Variants in IL1R1 observed in about 807,000 individuals in gnomAD.
The protein encoded by IL1R1 is interleukin-1 receptor type 1.
A neutral mutation model predicts 50.2 loss-of-function variants in IL1R1; 22 were observed. The observed-to-expected ratio is 0.44, with a 90% CI of 0.31 to 0.63. IL1R1 has a LOEUF of 0.63. Among genes scored for constraint, IL1R1 ranks in the 20% least tolerant of loss-of-function variants. The probability of loss-of-function intolerance (pLI) is 0.07; values close to 1 mark genes in which losing one functional copy is unlikely to be tolerated. For missense variants in IL1R1, 509 were observed against 676.2 expected (o/e 0.75, Z 2.74); for synonymous variants, 251 against 236.7 (o/e 1.06, Z -0.55).
At chr2:102,133,349 T>A (rs1682151742) in intron 1 of IL1R1, among the ~76,000 whole-genome samples, 3 of 151,960 alleles carry the variant, frequency 2.0e-5, no homozygotes, top group Admixed American at 2.0e-4. Context: ...GTAATTCTAC[T>A]CAAACTCTTC....
intron 1 of IL1R1, among the ~76,000 whole-genome samples, chr2:102,075,285 G>A (rs866942213): frequency 6.6e-6 from 1 of 152,240 alleles, no homozygotes; most frequent in Middle Eastern, 3.4e-3. Context: ...GTTTGCACAG[G>A]AAAATGTTTC....
At chr2:102,108,639 A>T (rs1019449475) in intron 1 of IL1R1, among the ~76,000 whole-genome samples, 2 of 151,668 alleles carry the variant, frequency 1.3e-5, no homozygotes, top group Non-Finnish European at 2.9e-5. Flanking sequence ...CCAGAAGATT[A>T]AAAAAAAACC....
intron 1 of IL1R1, among the ~76,000 whole-genome samples, chr2:102,072,502 A>G (rs1678776435): frequency 6.6e-6 from 1 of 152,214 alleles, no homozygotes; most frequent in Non-Finnish European, 1.5e-5. Context: ...CTACCAAAAC[A>G]TGGCATTTTT....
chr2:102,131,819 C>A (rs1682049175), intron 1 of IL1R1, among the ~76,000 whole-genome samples: 1 of 152,006 alleles, frequency 6.6e-6, no homozygotes. Flanking sequence ...CCAAGCTGAA[C>A]TGAAAATTAC....
intron 8 of IL1R1, chr2:102,172,160 T>C (rs1160661351): frequency 3.7e-6 from 2 of 540,872 alleles, no homozygotes; most frequent in African/African-American, 4.1e-5. Context: ...TCTTACGTTA[T>C]ACATGTTGCA....
chr2:102,169,950 T>C (rs1435125800), intron 7 of IL1R1, among the ~76,000 whole-genome samples: 31 of 152,170 alleles, frequency 2.0e-4, no homozygotes, highest in Admixed American at 2.0e-3. Flanking sequence ...ACAAACCATG[T>C]AATATCTAAG....
At chr2:102,135,153 A>T (rs931243475) in intron 1 of IL1R1, among the ~76,000 whole-genome samples, 3 of 152,046 alleles carry the variant, frequency 2.0e-5, no homozygotes, top group Admixed American at 6.6e-5. Flanking sequence ...TGTTTTTTTT[A>T]AAATCAAAAG....
At chr2:102,113,903 G>A (rs1347443290) in intron 1 of IL1R1, among the ~76,000 whole-genome samples, 7 of 152,188 alleles carry the variant, frequency 4.6e-5, no homozygotes, top group South Asian at 2.1e-4. Context: ...TCTTCAAGTC[G>A]CGGCAGATCG....
chr2:102,152,997 A>T (rs3917226), intron 1 of IL1R1, among the ~76,000 whole-genome samples: 3,879 of 152,292 alleles, frequency 0.025, 116 homozygotes, highest in African/African-American at 0.069. Flanking sequence ...CAAAAAAAAA[A>T]ATTAGACTCC....
chr2:102,156,284 TG>T (rs1684185035), intron 2 of IL1R1: 1 of 152,630 alleles, frequency 6.6e-6, no homozygotes, highest in African/African-American at 2.4e-5. Flanking sequence ...TAGACTATTT[TG>T]GGAAGCCAGC....
rs373887465 is a variant in IL1R1, at chr2:102,176,426, A to G, written c.1377A>G (p.Ser459=). Residue 459 remains serine, a synonymous_variant, in exon 12 of 12, where the codon TCA becomes TCG. Transcript: ENST00000410023. ...TTATCATTTTAGTCAGAGAAACATC[A>G]GGCTTCAGCTGGCTGGGTGGTTCAT... is the stretch of plus-strand genomic sequence containing the variant. The part of the protein sequence containing the change: ...RLIIILVRET[S]GFSWLGGSSE... 6.2e-7 allele frequency: 1 copy of G among 1,614,162 alleles called. No individual in the cohort carries two copies.
chr2:102,148,720 A>G (rs1374553684), intron 1 of IL1R1, among the ~76,000 whole-genome samples: 1 of 152,200 alleles, frequency 6.6e-6, no homozygotes, highest in Non-Finnish European at 1.5e-5. Context: ...GGCTTGTGTG[A>G]GTATGGAGGT....
intron 6 of IL1R1, among the ~76,000 whole-genome samples, chr2:102,167,222 A>C (rs1249710035): frequency 6.6e-6 from 1 of 152,122 alleles, no homozygotes; most frequent in Non-Finnish European, 1.5e-5. Context: ...TATTTTCCTA[A>C]AAATATTTTT....
At chr2:102,084,780 A>G (rs1679367021) in intron 1 of IL1R1, among the ~76,000 whole-genome samples, 1 of 152,088 alleles carries the variant, frequency 6.6e-6, no homozygotes, top group South Asian at 2.1e-4. Context: ...GAGTCATAAG[A>G]TATGTATTTG....
intron 1 of IL1R1, among the ~76,000 whole-genome samples, chr2:102,130,672 A>G (rs1681978105): frequency 1.3e-5 from 2 of 151,864 alleles, no homozygotes; most frequent in Admixed American, 6.6e-5. Flanking sequence ...ATGTTTTATA[A>G]AGATATCAAA....
intron 1 of IL1R1, among the ~76,000 whole-genome samples, chr2:102,097,702 A>G (rs1303488449): frequency 6.6e-6 from 1 of 152,094 alleles, no homozygotes; most frequent in Non-Finnish European, 1.5e-5. Context: ...AAATAAAAAA[A>G]TCTGAATAGT....
chr2:102,090,250 C>T (rs1218742172), intron 1 of IL1R1, among the ~76,000 whole-genome samples: 2 of 151,160 alleles, frequency 1.3e-5, no homozygotes, highest in Non-Finnish European at 2.9e-5. Flanking sequence ...GAACCTAAAT[C>T]CCCACAAAGG....
Position 102,177,158 on chromosome 2 carries a change from C to A in IL1R1, c.*399C>A, listed in dbSNP as rs200332615. 4.3e-4 allele frequency: 86 copies of A among 200,612 alleles called. No homozygotes were observed. Among genetic ancestry groups the A allele is most frequent in the African/African-American group, 1.8e-3 (75 of 42,396 alleles). The allele number at this position is 200,612 out of a possible 1,614,324, so 12.4% of individuals were successfully genotyped here. On this transcript the variant is annotated 3_prime_UTR_variant, in exon 12 of 12. Transcript: ENST00000410023. ...GCACACGCCTGTAATCCCAGCTACA[C>A]CTGAGGCTGAGGCAGGAGAATTGCT...
intron 1 of IL1R1, among the ~76,000 whole-genome samples, chr2:102,095,306 G>A (rs1274020191): frequency 6.6e-6 from 1 of 152,218 alleles, no homozygotes; most frequent in African/African-American, 2.4e-5. Context: ...AAGAATGCAG[G>A]AAAGGAAGCC....
Sources: allele counts gnomAD v4.1 joint callset (sites outside exome capture counted in the v4.1 genomes callset), GRCh38; gene constraint gnomAD v4.1.1; transcripts MANE v1.5; gene names NCBI Gene and HGNC (gene_info 2026-07-23, HGNC 2026-07-21).